The following ACBD3 variants were observed in gnomAD, a reference collection of about 807,000 sequenced individuals.
ACBD3 encodes the protein Golgi resident protein GCP60.
ACBD3 carries 30 observed loss-of-function variants against 66.9 expected under a neutral mutation model. That is an observed-to-expected ratio of 0.45 (90% confidence interval 0.34 to 0.61). The LOEUF (loss-of-function observed/expected upper bound fraction) is 0.61. ACBD3 is among the 20% of genes least tolerant of loss of function. The pLI is 0.02. For synonymous variants in ACBD3, 278 were observed against 259.8 expected (o/e 1.07, Z -0.68); for missense variants, 544 against 664.5 (o/e 0.82, Z 1.99).
At chr1:226,149,762 G>A (rs1034677011) in intron 7 of ACBD3, among the ~76,000 whole-genome samples, 1 of 151,452 alleles carries the variant, frequency 6.6e-6, no homozygotes, top group Non-Finnish European at 1.5e-5. Flanking sequence ...GGCTGGTCTT[G>A]AACTCCTGAG....
rs1019799803 is a variant in ACBD3, at chr1:226,147,178, C to A, written c.1376-357G>T. ...GTGCTGGGATTACAGGCGTGAGCCA[C>A]CGTGCCCAGCCTATCCTTTCTTTGA... On this transcript the variant is annotated intron_variant, in intron 7 of 7. Transcript: ENST00000366812. 2.6e-5 allele frequency among the ~76,000 whole-genome samples: 4 copies of A among 152,356 alleles called. No individual in the cohort carries two copies. The East Asian group carries it at 7.7e-4, about 29-fold the overall frequency.
rs1444248151 is a variant in ACBD3 at position 226,146,083 on chromosome 1, A to T, written c.*527T>A. On this transcript the variant is annotated 3_prime_UTR_variant, in exon 8 of 8. Coordinates refer to ENST00000366812, the MANE Select transcript of ACBD3 (RefSeq NM_022735.4). ...ACCCAAAGCAGAAACAATCTGGGTC[A>T]TTCTGAACGAGATCAAACTGAGGCC... The T allele has an allele frequency of 6.5e-6, 1 of 153,436 alleles. No homozygotes were observed. Among genetic ancestry groups the T allele is most frequent in the East Asian group, 1.9e-4 (1 of 5,208 alleles). 9.5% of individuals were successfully genotyped at this position (153,436 alleles called of 1,614,324 possible).
At chr1:226,151,615 A>G (rs979498397) in intron 7 of ACBD3, among the ~76,000 whole-genome samples, 1 of 152,236 alleles carries the variant, frequency 6.6e-6, no homozygotes, top group Non-Finnish European at 1.5e-5. Context: ...CTGTATTTAC[A>G]TAAAAAATTT....
rs773779372 is a variant in ACBD3, at chr1:226,152,351, G to A, written c.1359C>T (p.Asp453=). The A allele has an allele frequency of 1.6e-5, 26 of 1,613,940 alleles. No homozygotes were observed. In the Admixed American group the frequency reaches 2.2e-4, roughly 13 times the overall value. ...GGGTTCTACCTTCTTCCTCCTCGTC[G>A]TCATCGCTGGACTCACTGACATGCA... ...VSVHVSESSD[D]DEEEEENIGC... is the part of the protein sequence containing the mutation. The change falls in exon 7 of 8, where the codon GAC becomes GAT. Residue 453 remains aspartate, a synonymous_variant. Transcript: ENST00000366812.
intron 3 of ACBD3, among the ~76,000 whole-genome samples, chr1:226,164,114 C>CT (rs1228858276): frequency 2.6e-5 from 1 of 38,122 alleles, no homozygotes; most frequent in Non-Finnish European, 4.2e-5. Flanking sequence ...AAGACTCCAT[C>CT]TTAAAAAAAA....
chr1:226,174,007 G>A (rs908600765), intron 1 of ACBD3, among the ~76,000 whole-genome samples: 4 of 151,934 alleles, frequency 2.6e-5, no homozygotes, highest in East Asian at 1.9e-4. Flanking sequence ...CAGGTAATCC[G>A]CCTGCCTCAG....
chr1:226,182,409 T>C (rs1484595151), intron 1 of ACBD3, among the ~76,000 whole-genome samples: 1 of 151,946 alleles, frequency 6.6e-6, no homozygotes, highest in Admixed American at 6.6e-5. Context: ...TTGGGGTCAG[T>C]CCAAGACCAG....
At chr1:226,154,536 C>G in intron 6 of ACBD3, 111 bp downstream of exon 6, 1 of 1,292,072 alleles carries the variant, frequency 7.7e-7, no homozygotes. Context: ...ATGTTCAACT[C>G]TCACAAATAT....
rs536279789 is a variant in ACBD3, at chr1:226,159,324, C to T, written c.763G>A (p.Ala255Thr). 13 of 1,614,038 alleles carry T rather than the reference C, an allele frequency of 8.1e-6. No homozygotes were observed. In the South Asian group the frequency reaches 1.3e-4, roughly 16 times the overall value. Residue 255 changes from alanine to threonine, a missense_variant, in exon 5 of 8, where the codon GCC (alanine) becomes ACC (threonine). Coordinates refer to ENST00000366812, the MANE Select transcript of ACBD3 (RefSeq NM_022735.4). The part of the protein sequence containing the change: ...QIMAALNSQT[A>T]VQFQQYAAQQ... ...GCTGCATACTGCTGGAACTGCACGG[C>T]AGTCTGGGAGTTTAAAGCTGCCATT...
At chr1:226,162,685 C>T (rs779728484) in intron 3 of ACBD3, among the ~76,000 whole-genome samples, 2 of 152,008 alleles carry the variant, frequency 1.3e-5, no homozygotes, top group Non-Finnish European at 2.9e-5. Context: ...ATTTCATAAA[C>T]CTACCACGAG....
intron 1 of ACBD3, among the ~76,000 whole-genome samples, chr1:226,183,522 A>G (rs1368163375): frequency 6.6e-6 from 1 of 152,114 alleles, no homozygotes; most frequent in Non-Finnish European, 1.5e-5. Flanking sequence ...AGATACTGGT[A>G]TAAAACCATA....
At chr1:226,167,962 T>A (rs1397964125) in intron 1 of ACBD3, among the ~76,000 whole-genome samples, 4 of 152,198 alleles carry the variant, frequency 2.6e-5, no homozygotes, top group Non-Finnish European at 4.4e-5. Flanking sequence ...CATTCTCATA[T>A]ATGAATGCTG....
Position 226,180,955 on chromosome 1 carries a change from C to T in ACBD3, c.286+5435G>A, listed in dbSNP as rs538289308. On this transcript the variant is annotated intron_variant, in intron 1 of 7. Transcript: ENST00000366812. ...CAGAGGCTGCAGTGAGCTGAGATCG[C>T]GCCATTGCACTCCAGCCTCGGTGAC... Among the ~76,000 whole-genome samples the T allele has an allele frequency of 4.7e-5, 7 of 150,008 alleles. No homozygotes were observed. The South Asian group carries it at 1.5e-3, about 32-fold the overall frequency.
Position 226,186,600 on chromosome 1 carries a change from G to T in ACBD3, c.76C>A (p.Arg26=). The change falls in exon 1 of 8, where the codon CGG becomes AGG. Residue 26 remains arginine (R), a synonymous_variant. Coordinates refer to ENST00000366812, the MANE Select transcript of ACBD3 (RefSeq NM_022735.4). ...AGCGGGGCGCCCTCCGCCCCAGGCC[G>T]CTCCTCCGGGTCCGGGCTGAGCGTG... ...GLTLSPDPEE[R]PGAEGAPLLP... The T allele has an allele frequency of 2.1e-6, 3 of 1,435,814 alleles. No individual in the cohort carries two copies. Among genetic ancestry groups the T allele is most frequent in the Non-Finnish European group, 2.7e-6 (3 of 1,096,838 alleles). 88.9% of individuals were successfully genotyped at this position (1,435,814 alleles called of 1,614,324 possible).
intron 1 of ACBD3, among the ~76,000 whole-genome samples, chr1:226,170,333 ATTTTT>A (rs71574563): frequency 1.8e-5 from 2 of 109,846 alleles, no homozygotes; most frequent in Admixed American, 2.2e-4. Context: ...AATTTTTTGA[ATTTTT>A]TTTTTTTTTT....
chr1:226,179,993 A>G (rs982300176), intron 1 of ACBD3, among the ~76,000 whole-genome samples: 1 of 151,980 alleles, frequency 6.6e-6, no homozygotes, highest in African/African-American at 2.4e-5. Context: ...CAACATAGTG[A>G]AACCCTGTCT....
chr1:226,159,755 A>G (rs909825941), intron 4 of ACBD3, among the ~76,000 whole-genome samples: 1 of 152,198 alleles, frequency 6.6e-6, no homozygotes, highest in East Asian at 1.9e-4. Context: ...TACTGCTAGC[A>G]GATGCTACAG....
intron 1 of ACBD3, among the ~76,000 whole-genome samples, chr1:226,183,257 G>C (rs1656211506): frequency 6.6e-6 from 1 of 152,088 alleles, no homozygotes; most frequent in South Asian, 2.1e-4. Flanking sequence ...CTCACTGCAA[G>C]CTCCGCCTTG....
rs115857124 is a variant in ACBD3, at chr1:226,148,870, C to T, written c.1376-2049G>A. Among the ~76,000 whole-genome samples the T allele has an allele frequency of 6.5e-3, 991 of 152,242 alleles. 9 individuals carry two copies. The highest frequency in any genetic ancestry group is 0.023 in the African/African-American group (937 of 41,538). ...TAAATCTTTAAATGGGATGAAGTGACGCTCATGTAATGAACAATTCTTAGG... is the reference window on the plus strand; with the variant it reads ...TAAATCTTTAAATGGGATGAAGTGATGCTCATGTAATGAACAATTCTTAGG... On this transcript the variant is annotated intron_variant, in intron 7 of 7. Coordinates refer to ENST00000366812, the MANE Select transcript of ACBD3 (RefSeq NM_022735.4).
Sources: allele counts gnomAD v4.1 joint callset (sites outside exome capture counted in the v4.1 genomes callset), GRCh38; gene constraint gnomAD v4.1.1; transcripts MANE v1.5; gene names NCBI Gene and HGNC (gene_info 2026-07-23, HGNC 2026-07-21).